Variants in SLC35A1 observed in about 807,000 individuals in gnomAD.
SLC35A1 encodes CMP-sialic acid transporter.
A neutral mutation model predicts 40.3 loss-of-function variants in SLC35A1; 21 were observed. The observed-to-expected ratio is 0.52, with a 90% CI of 0.37 to 0.75. The LOEUF (loss-of-function observed/expected upper bound fraction) is 0.75. SLC35A1 is among the 30% of genes least tolerant of loss of function. The probability of loss-of-function intolerance (pLI) is 0.00; values close to 1 mark genes in which losing one functional copy is unlikely to be tolerated. For missense variants in SLC35A1, 297 were observed against 382.1 expected, an observed-to-expected ratio of 0.78 and a Z score of 1.86; for synonymous variants, 146 against 147.3, an observed-to-expected ratio of 0.99 and a Z score of 0.06.
rs572707954 is a variant in SLC35A1 at position 87,487,189 on chromosome 6, G to C, written c.194+9650G>C. ...AGACTCCGTCTCAAAAGAAAAAAAA[G>C]AAAAAGAAAGTCATTAAATGGTTTA... On this transcript the variant is annotated intron_variant, in intron 2 of 7. Coordinates refer to ENST00000369552, the MANE Select transcript of SLC35A1 (RefSeq NM_006416.5). Among the ~76,000 whole-genome samples the C allele has an allele frequency of 8.3e-4, 126 of 152,072 alleles. 2 individuals carry two copies. The Middle Eastern group carries it at 0.014, about 16-fold the overall frequency.
Position 87,494,339 on chromosome 6 carries a change from C to A in SLC35A1, c.195-6169C>A, listed in dbSNP as rs752272604. On this transcript the variant is annotated intron_variant, in intron 2 of 7. Transcript: ENST00000369552. ...AAATTAAAAGAGAAATTAGTAAATT[C>A]TGTTTTGAGGGAGGGGCAGATTAGC... 7.9e-5 allele frequency among the ~76,000 whole-genome samples: 12 copies of A among 151,596 alleles called. No homozygotes were observed. The South Asian group carries it at 1.7e-3, about 21-fold the overall frequency.
At chr6:87,493,921 A>G (rs1013599321) in intron 2 of SLC35A1, among the ~76,000 whole-genome samples, 2 of 152,204 alleles carry the variant, frequency 1.3e-5, no homozygotes, top group African/African-American at 4.8e-5. Flanking sequence ...ACTTATTTCA[A>G]TAAGAAGTTA....
intron 2 of SLC35A1, chr6:87,499,255 C>A: frequency 3.5e-6 from 1 of 284,060 alleles, no homozygotes; most frequent in Non-Finnish European, 5.3e-6. Context: ...AAATTCAACT[C>A]ACAACTGTTG....
At chr6:87,501,693 A>C (rs1769927671) in intron 4 of SLC35A1, among the ~76,000 whole-genome samples, 1 of 152,162 alleles carries the variant, frequency 6.6e-6, no homozygotes, top group African/African-American at 2.4e-5. Flanking sequence ...CCTCTTTCAA[A>C]CATCTCAGAA....
intron 2 of SLC35A1, among the ~76,000 whole-genome samples, chr6:87,494,214 A>AT (rs1280106352): frequency 1.3e-5 from 2 of 152,244 alleles, no homozygotes; most frequent in African/African-American, 4.8e-5. Context: ...ACTGATGGGC[A>AT]TTTGGGTTGT....
At chr6:87,478,647 G>C (rs7761943) in intron 2 of SLC35A1, among the ~76,000 whole-genome samples, 57,460 of 152,044 alleles carry the variant, frequency 0.38, 10,910 homozygotes, top group Admixed American at 0.46. Flanking sequence ...TTTTGGGAAA[G>C]ATACCGAGTG....
At chr6:87,503,661 G>A (rs1408442806) in intron 4 of SLC35A1, among the ~76,000 whole-genome samples, 3 of 152,060 alleles carry the variant, frequency 2.0e-5, no homozygotes, top group East Asian at 1.9e-4. Flanking sequence ...GCAGTGAGCC[G>A]AGATCGCGCC....
intron 2 of SLC35A1, among the ~76,000 whole-genome samples, chr6:87,499,976 C>T (rs1303591890): frequency 2.6e-5 from 4 of 152,056 alleles, no homozygotes; most frequent in Non-Finnish European, 5.9e-5. Flanking sequence ...GTGGTGGGTG[C>T]CTGTAATCCT....
At chr6:87,488,115 T>TA (rs1391154374) in intron 2 of SLC35A1, 1 of 152,146 alleles carries the variant, frequency 6.6e-6, no homozygotes, top group Admixed American at 6.5e-5. Context: ...AGGTATAATT[T>TA]AAAGTTTTTA....
chr6:87,497,895 T>G (rs1341345724), intron 2 of SLC35A1, among the ~76,000 whole-genome samples: 1 of 52,918 alleles, frequency 1.9e-5, no homozygotes. Context: ...CTCCTGGCAG[T>G]TTTTTTTTTT....
At chr6:87,499,099 AG>A (rs1269397570) in intron 2 of SLC35A1, 1 of 983,230 alleles carries the variant, frequency 1.0e-6, no homozygotes, top group Non-Finnish European at 1.2e-6. Context: ...CTTAGGTCAA[AG>A]TTCCTGTCTT....
chr6:87,484,550 C>T (rs1769340805), intron 2 of SLC35A1, among the ~76,000 whole-genome samples: 2 of 152,054 alleles, frequency 1.3e-5, no homozygotes, highest in East Asian at 1.9e-4. Flanking sequence ...AAACTAATTC[C>T]GATTGGCTAA....
chr6:87,491,151 G>C (rs1769540150), intron 2 of SLC35A1, among the ~76,000 whole-genome samples: 2 of 152,192 alleles, frequency 1.3e-5, no homozygotes, highest in South Asian at 4.2e-4. Context: ...AGGATTTTTA[G>C]GATTCTGAAA....
chr6:87,499,032 T>C (rs1769832795), intron 2 of SLC35A1: 2 of 624,480 alleles, frequency 3.2e-6, no homozygotes, highest in Non-Finnish European at 4.0e-6. Context: ...GGTGTGGGTT[T>C]GGATTTGGTA....
chr6:87,511,238 T>C (rs1000917983), intron 7 of SLC35A1, among the ~76,000 whole-genome samples, 161 bp from the exon 8 acceptor site: 52 of 151,748 alleles, frequency 3.4e-4, no homozygotes, highest in African/African-American at 1.1e-3. Flanking sequence ...CCCCCTCTCC[T>C]TTTTTTTGGC....
chr6:87,510,589 A>G (rs570024383), intron 7 of SLC35A1, among the ~76,000 whole-genome samples: 1 of 152,290 alleles, frequency 6.6e-6, no homozygotes, highest in East Asian at 1.9e-4. Flanking sequence ...TTAAGATTAA[A>G]ATGAAAAAAG....
At chr6:87,493,779 T>A (rs76445842) in intron 2 of SLC35A1, among the ~76,000 whole-genome samples, 1,560 of 152,320 alleles carry the variant, frequency 0.01, 23 homozygotes, top group African/African-American at 0.034. Flanking sequence ...TTAGAATATT[T>A]GAGTTCTCTT....
intron 4 of SLC35A1, 91 bp from the exon 5 acceptor site, chr6:87,506,291 C>G (rs1693369043): frequency 2.1e-6 from 2 of 970,350 alleles, no homozygotes; most frequent in Non-Finnish European, 3.3e-6. Context: ...TTTAGTAAGA[C>G]TGTAACAGGT....
At chr6:87,485,503 A>T (rs926654697) in intron 2 of SLC35A1, among the ~76,000 whole-genome samples, 1 of 152,022 alleles carries the variant, frequency 6.6e-6, no homozygotes, top group African/African-American at 2.4e-5. Context: ...GGTGGCTCAC[A>T]CCTGTAATCC....
Sources: allele counts gnomAD v4.1 joint callset (sites outside exome capture counted in the v4.1 genomes callset), GRCh38; gene constraint gnomAD v4.1.1; transcripts MANE v1.5; gene names NCBI Gene and HGNC (gene_info 2026-07-23, HGNC 2026-07-21).